Variants in PPP2R2C observed in about 807,000 individuals in gnomAD.
PPP2R2C encodes the protein protein phosphatase 2, regulatory subunit B, gamma.
Under a neutral mutation model 45.3 loss-of-function variants are expected in PPP2R2C, and 10 were observed. That is an observed-to-expected ratio of 0.22 (90% CI 0.14 to 0.37). The LOEUF (loss-of-function observed/expected upper bound fraction) is 0.37. PPP2R2C is among the 10% of genes least tolerant of loss of function. The pLI is 1.00. For synonymous variants in PPP2R2C, 257 were observed against 245.4 expected, an observed-to-expected ratio of 1.05 and a Z score of -0.44; for missense variants, 308 against 619.7, an observed-to-expected ratio of 0.50 and a Z score of 5.34.
rs762760790 is a variant in PPP2R2C at position 6,375,913 on chromosome 4, C to G, written c.353G>C (p.Trp118Ser). ...LSTNDKTIKL[W>S]KITERDKRPE... ...CCTTTTATCTCGTTCGGTAATCTTCCATAATTTGATAGTTTTATCTTTAAA... is the reference window on the plus strand; with the variant it reads ...CCTTTTATCTCGTTCGGTAATCTTCGATAATTTGATAGTTTTATCTTTAAA... The change falls in exon 4 of 9, where the codon TGG becomes TCG. Residue 118 changes from tryptophan to serine, a missense_variant. Trp to Ser is a radical substitution (Grantham distance 177, BLOSUM62 -3). Coordinates refer to ENST00000382599, the MANE Select transcript of PPP2R2C (RefSeq NM_020416.4). The G allele has an allele frequency of 6.2e-7, 1 of 1,613,130 alleles. No homozygotes were observed. The highest frequency in any genetic ancestry group is 1.1e-5 in the South Asian group (1 of 90,944).
chr4:6,341,268 G>C (rs1365084735), intron 6 of PPP2R2C, among the ~76,000 whole-genome samples: 5 of 151,726 alleles, frequency 3.3e-5, no homozygotes, highest in Admixed American at 1.3e-4. Flanking sequence ...GAACCCAGGA[G>C]GTGGAGGTTG....
Position 6,427,917 on chromosome 4 carries a change from G to A in PPP2R2C, c.70+44243C>T, listed in dbSNP as rs906113159. ...GAGGCTCCCCCTCCTGGATGACTTA[G>A]CATCTCAGTTGATCCCCTAACAGCC... On this transcript the variant is annotated intron_variant, in intron 1 of 8. Coordinates refer to ENST00000382599, the MANE Select transcript of PPP2R2C (RefSeq NM_020416.4). Among the ~76,000 whole-genome samples, 9 of 152,314 alleles carry A rather than the reference G, an allele frequency of 5.9e-5. No homozygotes were observed. In the South Asian group the frequency reaches 1.9e-3, roughly 32 times the overall value.
At chr4:6,402,758 T>C (rs1449720113) in intron 1 of PPP2R2C, among the ~76,000 whole-genome samples, 1 of 152,186 alleles carries the variant, frequency 6.6e-6, no homozygotes, top group Non-Finnish European at 1.5e-5. Flanking sequence ...GAGGAGGCAC[T>C]GCATAACCTG....
chr4:6,394,237 C>T (rs1381215384), intron 1 of PPP2R2C, among the ~76,000 whole-genome samples: 1 of 152,310 alleles, frequency 6.6e-6, no homozygotes, highest in Middle Eastern at 3.4e-3. Context: ...AGTGGGGCTG[C>T]CTGATTCTCA....
At chr4:6,461,930 G>T (rs559706417) in intron 1 of PPP2R2C, among the ~76,000 whole-genome samples, 1 of 152,162 alleles carries the variant, frequency 6.6e-6, no homozygotes, top group Non-Finnish European at 1.5e-5. Flanking sequence ...CCAGGCCCAC[G>T]GAGCACGTGG....
At chr4:6,457,550 T>C (rs1203748588) in intron 1 of PPP2R2C, among the ~76,000 whole-genome samples, 2 of 152,050 alleles carry the variant, frequency 1.3e-5, no homozygotes, top group African/African-American at 4.8e-5. Context: ...TTTTTTTTAT[T>C]TTTTGAAGAG....
rs568654412 is a variant in PPP2R2C, at chr4:6,380,811, C to T, written c.168+186G>A. On this transcript the variant is annotated intron_variant, in intron 2 of 8. Transcript: ENST00000382599. ...AATCCATGCCCCTGGGAGATGTGAT[C>T]CAGGCAAGACACCCCACACCTCCTG... is the stretch of plus-strand genomic sequence containing the variant. Among the ~76,000 whole-genome samples the T allele has an allele frequency of 5.9e-5, 9 of 152,242 alleles. No individual in the cohort carries two copies. The East Asian group carries it at 1.4e-3, about 23-fold the overall frequency.
At chr4:6,350,111 T>C (rs1429674097) in intron 5 of PPP2R2C, 1 of 985,350 alleles carries the variant, frequency 1.0e-6, no homozygotes, top group Non-Finnish European at 1.2e-6. Context: ...ACTGCCTGGC[T>C]GGTTTCCCAG....
chr4:6,498,047 C>A (rs1247221847), intron 2 of PPP2R2C, among the ~76,000 whole-genome samples: 14 of 152,202 alleles, frequency 9.2e-5, no homozygotes, highest in Non-Finnish European at 2.9e-5. Context: ...CGTGCACACC[C>A]AAACCCCAGC....
In PPP2R2C at chr4:6,329,455, CA is replaced by C; in HGVS notation, c.961-103del. On this transcript the variant is annotated intron_variant, in intron 7 of 8. Coordinates refer to ENST00000382599, the MANE Select transcript of PPP2R2C (RefSeq NM_020416.4). The surrounding 1 kb of genome is among the most constrained non-coding windows in gnomAD (Gnocchi z 5.8). ...AGCAGCGAGGGTCTGCATGCCCTGA[CA>C]TGGCCCAGCGCAGACCTGCTCATCT... The C allele has an allele frequency of 1.0e-6, 1 of 975,410 alleles. No homozygotes were observed. The highest frequency in any genetic ancestry group is 2.2e-4 in the Middle Eastern group (1 of 4,628). 60.4% of individuals were successfully genotyped at this position (975,410 alleles called of 1,614,324 possible). A position where few individuals can be genotyped will look rare whatever the true frequency, so the allele number is the denominator to read the frequency against.
At chr4:6,434,337 CTGCGTATT>C (rs1719777161) in intron 1 of PPP2R2C, among the ~76,000 whole-genome samples, 1 of 148,158 alleles carries the variant, frequency 6.7e-6, no homozygotes, top group Non-Finnish European at 1.5e-5. Flanking sequence ...CATTTCTCAC[CTGCGTATT>C]TCTTTTTTCT....
chr4:6,336,673 A>C (rs1430660609), intron 6 of PPP2R2C, among the ~76,000 whole-genome samples: 10 of 3,946 alleles, frequency 2.5e-3, no homozygotes, highest in East Asian at 0.019. Context: ...CCCTGCTTCC[A>C]TCCCTCCCTC....
rs115052810 is a variant in PPP2R2C, at chr4:6,438,778, G to A, written c.70+33382C>T. On this transcript the variant is annotated intron_variant, in intron 1 of 8. Transcript: ENST00000382599. ...ATTTCATTAGAGCAGAAACACCTGC[G>A]CTTGTCTTTGGTTACTTCTATTTTT... Among the ~76,000 whole-genome samples the A allele has an allele frequency of 2.7e-3, 413 of 152,288 alleles. 5 individuals carry two copies. The highest frequency in any genetic ancestry group is 9.3e-3 in the African/African-American group (386 of 41,556).
rs114900363 is a variant in PPP2R2C, at chr4:6,376,690, G to C, written c.335-759C>G. On this transcript the variant is annotated intron_variant, in intron 3 of 8. Transcript: ENST00000382599. ...GCTGGTCTCAAACTTCTGGGCTCAA[G>C]TAATCCATCCATCTCAGCCTCCCAA... Among the ~76,000 whole-genome samples, 610 of 152,274 alleles carry C rather than the reference G, an allele frequency of 4.0e-3. 2 individuals are homozygous for C. The highest frequency in any genetic ancestry group is 0.014 in the African/African-American group (593 of 41,564).
Position 6,537,744 on chromosome 4 carries a change from G to A in PPP2R2C, c.-58-2367C>T, listed in dbSNP as rs534055312. Among the ~76,000 whole-genome samples the A allele has an allele frequency of 3.9e-5, 6 of 152,094 alleles. No homozygotes were observed. In the East Asian group the frequency reaches 5.8e-4, roughly 15 times the overall value. ...TTTTTGTATTTTTAGAAGAGACGGG[G>A]TTTCACTATGTTAGCCAGGATGGTC... On this transcript the variant is annotated intron_variant, in intron 1 of 9. Coordinates refer to the PPP2R2C transcript ENST00000506140.
intron 2 of PPP2R2C, among the ~76,000 whole-genome samples, chr4:6,519,491 C>A (rs745523240): frequency 1.2e-4 from 19 of 152,196 alleles, no homozygotes; most frequent in Non-Finnish European, 2.5e-4. Context: ...TGCAGCCTCC[C>A]TCTCCTCTGC....
At chr4:6,462,703 T>C (rs1721390565) in intron 1 of PPP2R2C, among the ~76,000 whole-genome samples, 1 of 152,150 alleles carries the variant, frequency 6.6e-6, no homozygotes, top group Non-Finnish European at 1.5e-5. Context: ...AATCAGGATA[T>C]GTTTTGTGAG....
intron 1 of PPP2R2C, among the ~76,000 whole-genome samples, chr4:6,446,474 A>G (rs1410585103): frequency 1.3e-5 from 2 of 151,876 alleles, no homozygotes; most frequent in Non-Finnish European, 2.9e-5. Context: ...TGCCTCCCTG[A>G]GCCTCAGTTT....
At chr4:6,481,361 C>T (rs568157552) in intron 2 of PPP2R2C, among the ~76,000 whole-genome samples, 1 of 152,330 alleles carries the variant, frequency 6.6e-6, no homozygotes, top group South Asian at 2.1e-4. Flanking sequence ...GATCAAATTA[C>T]ATACTTTTTC....
Sources: allele counts gnomAD v4.1 joint callset (sites outside exome capture counted in the v4.1 genomes callset), GRCh38; gene constraint gnomAD v4.1.1; non-coding constraint Gnocchi (gnomAD v3.1); transcripts MANE v1.5; gene names NCBI Gene and HGNC (gene_info 2026-07-23, HGNC 2026-07-21).